RAB3GAP1: variants seen among roughly 807,000 people sequenced by gnomAD.
RAB3GAP1 encodes rab3 GTPase-activating protein catalytic subunit.
A neutral mutation model predicts 130.7 loss-of-function variants in RAB3GAP1; 86 were observed. The observed-to-expected ratio is 0.66, with a 90% CI of 0.55 to 0.79. The LOEUF is 0.79. Among genes scored for constraint, RAB3GAP1 ranks in the 30% least tolerant of loss-of-function variants. The pLI is 0.00. For synonymous variants in RAB3GAP1, 367 were observed against 401.7 expected (o/e 0.91, Z 1.03); for missense variants, 1,029 against 1,169.4 (o/e 0.88, Z 1.75).
At chr2:135,082,632 G>A (rs1445900603) in intron 3 of RAB3GAP1, among the ~76,000 whole-genome samples, 3 of 151,598 alleles carry the variant, frequency 2.0e-5, no homozygotes, top group East Asian at 3.9e-4. Flanking sequence ...GTAGAGATGG[G>A]GTTTCACCAT....
chr2:135,057,961 A>G, intron 2 of RAB3GAP1, 50 bp from the exon 3 acceptor site: 2 of 1,268,206 alleles, frequency 1.6e-6, no homozygotes, highest in South Asian at 2.5e-5. Context: ...ACATAATAAT[A>G]GGAAAAAAGG....
rs374782144 is a variant in RAB3GAP1, at chr2:135,147,203, G to A, written c.1924-3166G>A. Among the ~76,000 whole-genome samples the A allele has an allele frequency of 8.5e-5, 13 of 152,048 alleles. No individual in the cohort carries two copies. The South Asian group carries it at 2.7e-3, about 32-fold the overall frequency. On this transcript the variant is annotated intron_variant, in intron 17 of 23. Coordinates refer to ENST00000264158, the MANE Select transcript of RAB3GAP1 (RefSeq NM_012233.3). ...TGTACTAAAAATACAAAAATTAGCT[G>A]GGCATGGTGGTGCATGTCTGTAGCC...
intron 3 of RAB3GAP1, among the ~76,000 whole-genome samples, chr2:135,060,507 G>A (rs1218458615): frequency 1.3e-5 from 2 of 151,578 alleles, no homozygotes; most frequent in Non-Finnish European, 2.9e-5. Flanking sequence ...TGATCTGCCC[G>A]CCTCGGCCTC....
At chr2:135,132,636 G>A (rs1374126866) in intron 13 of RAB3GAP1, among the ~76,000 whole-genome samples, 1 of 152,076 alleles carries the variant, frequency 6.6e-6, no homozygotes, top group African/African-American at 2.4e-5. Flanking sequence ...GCACCTTTCA[G>A]CTTACAGAAT....
At position 135,103,006 on chromosome 2, in the gene RAB3GAP1, GAA is replaced by G. The variant is rs371708711; in HGVS notation, c.362+9329_362+9330del. On this transcript the variant is annotated intron_variant, in intron 5 of 23. Transcript: ENST00000264158. ...TGGGCGACAGTGCGAGACTCCGTCT[GAA>G]AAAAAAAAAAAAAAATCATTTTTGT... 8.8e-4 allele frequency among the ~76,000 whole-genome samples: 62 copies of G among 70,692 alleles called. 1 individual carries two copies. Among genetic ancestry groups the G allele is most frequent in the African/African-American group, 3.7e-3 (57 of 15,296 alleles). 46.4% of individuals were successfully genotyped at this position (70,692 alleles called of 152,430 possible).
At chr2:135,139,676 C>T (rs1691782791) in intron 17 of RAB3GAP1, among the ~76,000 whole-genome samples, 1 of 152,062 alleles carries the variant, frequency 6.6e-6, no homozygotes, top group South Asian at 2.1e-4. Flanking sequence ...TAGAACAGTG[C>T]TGATAAATAA....
At chr2:135,163,691 A>G (rs1169302341) in intron 22 of RAB3GAP1, among the ~76,000 whole-genome samples, 2 of 152,170 alleles carry the variant, frequency 1.3e-5, no homozygotes, top group Admixed American at 6.5e-5. Context: ...TTTTTTGCCC[A>G]TGTTATTTGG....
At chr2:135,172,696 G>A (rs1040211170), downstream of RAB3GAP1, among the ~76,000 whole-genome samples, 8 of 152,184 alleles carry the variant, frequency 5.3e-5, no homozygotes, top group African/African-American at 7.2e-5. Context: ...CATTTACTAC[G>A]ATGGAGAAGA....
chr2:135,060,718 T>A (rs367944348), intron 3 of RAB3GAP1, among the ~76,000 whole-genome samples: 22 of 151,744 alleles, frequency 1.4e-4, no homozygotes, highest in Admixed American at 9.8e-4. Context: ...ATTATTATTA[T>A]TATTTGAGAC....
At chr2:135,102,512 C>G (rs1378334873) in intron 5 of RAB3GAP1, among the ~76,000 whole-genome samples, 1 of 152,128 alleles carries the variant, frequency 6.6e-6, no homozygotes, top group Non-Finnish European at 1.5e-5. Context: ...CTGTAGATGC[C>G]TGGAGAGGCT....
intron 3 of RAB3GAP1, among the ~76,000 whole-genome samples, chr2:135,066,927 T>C (rs1242946693): frequency 6.6e-6 from 1 of 152,152 alleles, no homozygotes; most frequent in Non-Finnish European, 1.5e-5. Context: ...AGAATTAGCT[T>C]GAGAGTATTA....
At chr2:135,150,115 C>CT in intron 17 of RAB3GAP1, among the ~76,000 whole-genome samples, 1 of 152,148 alleles carries the variant, frequency 6.6e-6, no homozygotes, top group Non-Finnish European at 1.5e-5. Context: ...ATTCCTCTGT[C>CT]TTTTACTATC....
intron 3 of RAB3GAP1, among the ~76,000 whole-genome samples, chr2:135,078,891 G>A (rs1444496029): frequency 2.0e-5 from 3 of 151,578 alleles, no homozygotes; most frequent in East Asian, 1.9e-4. Context: ...TTTTTGAGAC[G>A]GAGTCTCGCT....
chr2:135,173,567 T>C (rs1692919228), downstream of RAB3GAP1, among the ~76,000 whole-genome samples: 2 of 152,130 alleles, frequency 1.3e-5, no homozygotes, highest in Non-Finnish European at 2.9e-5. Context: ...TACTTCTTAC[T>C]GGGAAAGAAT....
At chr2:135,095,100 G>T (rs1690252783) in intron 5 of RAB3GAP1, among the ~76,000 whole-genome samples, 1 of 152,078 alleles carries the variant, frequency 6.6e-6, no homozygotes. Context: ...CCAGGCTGGA[G>T]TGCAGTGGCG....
chr2:135,109,977 A>AT (rs1351101707), intron 5 of RAB3GAP1, among the ~76,000 whole-genome samples: 30 of 148,262 alleles, frequency 2.0e-4, no homozygotes, highest in Admixed American at 2.7e-4. Context: ...ATTTTCGCTT[A>AT]TTTTTTTTTT....
chr2:135,091,625 T>A (rs950254642), intron 4 of RAB3GAP1, among the ~76,000 whole-genome samples: 2 of 152,192 alleles, frequency 1.3e-5, no homozygotes. Context: ...TAAAATTTTA[T>A]TTTTTCTACT....
intron 3 of RAB3GAP1, among the ~76,000 whole-genome samples, chr2:135,072,909 C>G (rs1489024216): frequency 6.6e-6 from 1 of 152,132 alleles, no homozygotes; most frequent in Non-Finnish European, 1.5e-5. Flanking sequence ...AGAAGTTATC[C>G]CCCTTCAAGA....
At chr2:135,122,884 C>T (rs999089152) in intron 8 of RAB3GAP1, among the ~76,000 whole-genome samples, 10 of 152,036 alleles carry the variant, frequency 6.6e-5, no homozygotes, top group African/African-American at 1.7e-4. Context: ...TGCACCACCA[C>T]GCCTGGCTAA....
Sources: allele counts gnomAD v4.1 joint callset (sites outside exome capture counted in the v4.1 genomes callset), GRCh38; gene constraint gnomAD v4.1.1; transcripts MANE v1.5; gene names NCBI Gene and HGNC (gene_info 2026-07-23, HGNC 2026-07-21).